RTN3: variants seen among roughly 807,000 people sequenced by gnomAD.
The protein encoded by RTN3 is reticulon 3, also known as reticulon-3.
A neutral mutation model predicts 77.8 loss-of-function variants in RTN3; 49 were observed. That is an observed-to-expected ratio of 0.63 (90% CI 0.50 to 0.80). RTN3 has a LOEUF of 0.80. Ranked by LOEUF, RTN3 falls within the 30% of genes least tolerant of loss-of-function variation. The pLI is 0.00. For missense variants in RTN3, 1,236 were observed against 1,211.9 expected, an observed-to-expected ratio of 1.02 and a Z score of -0.29; for synonymous variants, 464 against 446.9, an observed-to-expected ratio of 1.04 and a Z score of -0.48.
At chr11:63,736,284 C>T (rs2013114375) in intron 3 of RTN3, among the ~76,000 whole-genome samples, 1 of 152,184 alleles carries the variant, frequency 6.6e-6, no homozygotes, top group African/African-American at 2.4e-5. Context: ...TAGCTTGCTT[C>T]TTCGAAGCTA....
intron 2 of RTN3, among the ~76,000 whole-genome samples, chr11:63,715,578 A>C (rs2011343978): frequency 6.6e-6 from 1 of 152,118 alleles, no homozygotes; most frequent in Non-Finnish European, 1.5e-5. Flanking sequence ...AAATCGCTTC[A>C]ATCTGGGGGG....
At chr11:63,698,940 A>T (rs1942098181) in intron 1 of RTN3, among the ~76,000 whole-genome samples, 1 of 152,190 alleles carries the variant, frequency 6.6e-6, no homozygotes, top group Non-Finnish European at 1.5e-5. Flanking sequence ...CCTGTTCAAC[A>T]GTTGCCACTT....
In RTN3 at chr11:63,719,685, A is replaced by C; in HGVS notation, c.1183A>C (p.Ser395Arg). ...AACTCCTGTATGTTCTATTGATGGG[A>C]GCACTCCCATCACTAAATCAACAGG... ...QKTPVCSIDG[S>R]TPITKSTGDW... Residue 395 changes from serine to arginine, a missense_variant, in exon 3 of 9, where the codon AGC (serine) becomes CGC (arginine). This residue lies in a region of RTN3 where 1,056 missense variants were observed against 990.4 expected (regional missense o/e 1.07). Transcript: ENST00000377819. The C allele has an allele frequency of 1.2e-6, 2 of 1,614,158 alleles. No homozygotes were observed.
chr11:63,756,377 T>C (rs1017666647), intron 8 of RTN3, among the ~76,000 whole-genome samples: 1 of 152,210 alleles, frequency 6.6e-6, no homozygotes, highest in African/African-American at 2.4e-5. Flanking sequence ...TGGCCCTGCC[T>C]TCTGGACCTT....
chr11:63,752,844 T>C (rs993149386), intron 5 of RTN3, among the ~76,000 whole-genome samples, 199 bp downstream of exon 5: 4 of 152,190 alleles, frequency 2.6e-5, no homozygotes, highest in African/African-American at 9.7e-5. Context: ...AGAGGTGATA[T>C]AATTGGAAGC....
intron 1 of RTN3, among the ~76,000 whole-genome samples, chr11:63,688,250 G>T (rs1941475076): frequency 6.9e-6 from 1 of 144,498 alleles, no homozygotes; most frequent in South Asian, 2.2e-4. Context: ...TTGAGACGGA[G>T]TCTCGCTCTG....
rs879451698 is a variant in RTN3 at position 63,693,484 on chromosome 11, C to CA, written c.143-11356dup. 7.3e-4 allele frequency among the ~76,000 whole-genome samples: 105 copies of CA among 144,224 alleles called. No individual in the cohort carries two copies. In the Middle Eastern group the frequency reaches 0.018, roughly 25 times the overall value. The allele number at this position is 144,224 out of a possible 152,430, so 94.6% of individuals were successfully genotyped here. A position where few individuals can be genotyped will look rare whatever the true frequency, so the allele number is the denominator to read the frequency against. ...GGGCAACAAGAGCAAAACTCCATCT[C>CA]AAAAAAAAAAAGTATTGCATAGTTT... On this transcript the variant is annotated intron_variant, in intron 1 of 8. Transcript: ENST00000377819.
chr11:63,731,831 T>C (rs748592521), intron 3 of RTN3, among the ~76,000 whole-genome samples: 1 of 152,062 alleles, frequency 6.6e-6, no homozygotes, highest in Non-Finnish European at 1.5e-5. Context: ...TTTTGTACTT[T>C]TAATAGAGAT....
intron 3 of RTN3, among the ~76,000 whole-genome samples, chr11:63,722,176 T>C (rs1268031887): frequency 6.6e-6 from 1 of 152,202 alleles, no homozygotes; most frequent in South Asian, 2.1e-4. Flanking sequence ...AAGTTTTACA[T>C]CTACTGTATG....
rs148790377 is a variant in RTN3, at chr11:63,736,303, ATC to A, written c.2531-13686_2531-13685del. Among the ~76,000 whole-genome samples, 1,007 of 152,288 alleles carry A rather than the reference ATC, an allele frequency of 6.6e-3. 9 individuals carry two copies. Among genetic ancestry groups the A allele is most frequent in the African/African-American group, 0.023 (953 of 41,566 alleles). ...TTGCTTCTTCGAAGCTATCAAGAGAATCTTATACAGTCAGTCCTCTGCATCCG... is the reference window on the plus strand; with the variant it reads ...TTGCTTCTTCGAAGCTATCAAGAGAATTATACAGTCAGTCCTCTGCATCCG... On this transcript the variant is annotated intron_variant, in intron 3 of 8. Coordinates refer to ENST00000377819, the MANE Select transcript of RTN3 (RefSeq NM_001265589.2).
chr11:63,739,282 A>T (rs1254302820), intron 3 of RTN3, among the ~76,000 whole-genome samples: 4 of 152,218 alleles, frequency 2.6e-5, no homozygotes, highest in Non-Finnish European at 5.9e-5. Flanking sequence ...GTGATATGAT[A>T]TTAAAGATAA....
intron 3 of RTN3, among the ~76,000 whole-genome samples, chr11:63,726,869 A>C (rs1345723359): frequency 3.0e-5 from 3 of 101,580 alleles, no homozygotes; most frequent in African/African-American, 8.6e-5. Flanking sequence ...CTGAAAAAAA[A>C]AAAAAAAAAG....
At chr11:63,689,899 A>G (rs916366964) in intron 1 of RTN3, among the ~76,000 whole-genome samples, 7 of 152,066 alleles carry the variant, frequency 4.6e-5, no homozygotes, top group Non-Finnish European at 8.8e-5. Context: ...GTGGGATTGC[A>G]GGCTTGTGCC....
At chr11:63,756,228 T>G (rs2135068920) in intron 8 of RTN3, 58 bp downstream of exon 8, 1 of 1,178,868 alleles carries the variant, frequency 8.5e-7, no homozygotes, top group Non-Finnish European at 1.3e-6. Context: ...CCCAATTATC[T>G]TTAGTCCCTT....
chr11:63,749,953 A>C (rs748939831), intron 3 of RTN3, 38 bp from the exon 4 acceptor site: 1 of 1,449,414 alleles, frequency 6.9e-7, no homozygotes, highest in Non-Finnish European at 9.7e-7. Context: ...GTAGCTGTGG[A>C]TGTTTCTTAT....
Position 63,704,895 on chromosome 11 carries a change from T to G in RTN3, c.187T>G (p.Ser63Ala). The stretch of plus-strand genomic sequence containing the variant: ...TTCCTCTCAGCCTGTATCTCTATTT[T>G]CGACCTCACAAGGCAAGTCTGTAAT... ...SSSSQPVSLF[S>A]TSQEGLSSLC... The change falls in exon 2 of 9, where the codon TCG becomes GCG. Residue 63 changes from serine to alanine, a missense_variant. Physicochemically the swap from Ser to Ala is moderately conservative, Grantham distance 99 (BLOSUM62 1). This residue lies in a region of RTN3 where 1,056 missense variants were observed against 990.4 expected (regional missense o/e 1.07). Transcript: ENST00000377819. 1 of 1,611,700 alleles carries G rather than the reference T, an allele frequency of 6.2e-7. No homozygotes were observed. Among genetic ancestry groups the G allele is most frequent in the Non-Finnish European group, 8.5e-7 (1 of 1,178,042 alleles).
chr11:63,699,255 C>T (rs1180710258), intron 1 of RTN3, among the ~76,000 whole-genome samples: 5 of 151,800 alleles, frequency 3.3e-5, no homozygotes, highest in Non-Finnish European at 4.4e-5. Context: ...GAGCTGAAAT[C>T]ACACCACTGT....
At chr11:63,689,363 A>G (rs1941537140) in intron 1 of RTN3, among the ~76,000 whole-genome samples, 1 of 152,306 alleles carries the variant, frequency 6.6e-6, no homozygotes, top group Middle Eastern at 3.4e-3. Flanking sequence ...GTTATTTTGG[A>G]TCATAGGGTA....
At chr11:63,721,700 T>A (rs2011824042) in intron 3 of RTN3, among the ~76,000 whole-genome samples, 1 of 152,190 alleles carries the variant, frequency 6.6e-6, no homozygotes, top group African/African-American at 2.4e-5. Context: ...TTCTTACTTA[T>A]TTACAAAGCT....
Sources: gnomAD v4.1 joint callset for allele counts (sites outside exome capture counted in the v4.1 genomes callset) on GRCh38, gnomAD v4.1.1 for gene constraint, gnomAD v4.1.1 regional missense constraint, MANE v1.5 for transcripts, NCBI Gene and HGNC (gene_info 2026-07-23, HGNC 2026-07-21) for gene names.